Variants in DLGAP1 observed in about 807,000 individuals in gnomAD.
The protein encoded by DLGAP1 is disks large-associated protein 1.
In DLGAP1, 11 loss-of-function variants were observed where a neutral mutation model predicts 90.8. That is an observed-to-expected ratio of 0.12 (90% CI 0.08 to 0.20). DLGAP1 has a LOEUF of 0.20. Among genes scored for constraint, DLGAP1 ranks in the 10% least tolerant of loss-of-function variants. DLGAP1 has a pLI of 1.00. For missense variants in DLGAP1, 1,050 were observed against 1,333.8 expected, an observed-to-expected ratio of 0.79 and a Z score of 3.31; for synonymous variants, 558 against 540.7, an observed-to-expected ratio of 1.03 and a Z score of -0.44.
chr18:4,408,042 G>A (rs2082701510), intron 1 of DLGAP1, among the ~76,000 whole-genome samples: 3 of 152,102 alleles, frequency 2.0e-5, no homozygotes, highest in Admixed American at 1.3e-4. Flanking sequence ...ATACAAATCT[G>A]TAATCAAGTT....
rs2073808480 is a variant in DLGAP1, at chr18:3,984,775, A to G, written c.-73+20341T>C. Among the ~76,000 whole-genome samples, 3 of 151,332 alleles carry G rather than the reference A, an allele frequency of 2.0e-5. No homozygotes were observed. The South Asian group carries it at 6.3e-4, about 32-fold the overall frequency. The stretch of plus-strand genomic sequence containing the variant: ...TCCTACCTTGTTGCATGCATGTCTC[A>G]CCAGCCCAGGTTCATCTTTCCCCTG... On this transcript the variant is annotated intron_variant, in intron 3 of 12. Coordinates refer to ENST00000315677, the MANE Select transcript of DLGAP1 (RefSeq NM_004746.4).
At position 3,881,397 on chromosome 18, in the gene DLGAP1, T is replaced by C. The variant is rs574553107; in HGVS notation, c.-72-1257A>G. Among the ~76,000 whole-genome samples, 254 of 152,332 alleles carry C rather than the reference T, an allele frequency of 1.7e-3. 1 individual carries two copies. The highest frequency in any genetic ancestry group is 0.014 in the Middle Eastern group (4 of 294). ...CTCAGTTCCTCTAGGAAACCTCTGC[T>C]GGCTCTCCTAGCAGAGAGAATTAGT... On this transcript the variant is annotated intron_variant, in intron 3 of 12. Coordinates refer to ENST00000315677, the MANE Select transcript of DLGAP1 (RefSeq NM_004746.4).
At chr18:3,708,390 T>C in intron 7 of DLGAP1, 1 of 456,224 alleles carries the variant, frequency 2.2e-6, no homozygotes, top group Non-Finnish European at 4.4e-6. Context: ...ATTCACCAAG[T>C]TGAAGTTCAT....
At chr18:4,359,617 A>T (rs11872657) in intron 1 of DLGAP1, among the ~76,000 whole-genome samples, 5,249 of 152,288 alleles carry the variant, frequency 0.034, 151 homozygotes, top group African/African-American at 0.076. Flanking sequence ...TGTTATAAAG[A>T]CCTCAGCCAT....
At chr18:4,091,009 G>A (rs1199627079) in intron 2 of DLGAP1, among the ~76,000 whole-genome samples, 1 of 152,178 alleles carries the variant, frequency 6.6e-6, no homozygotes, top group Non-Finnish European at 1.5e-5. Flanking sequence ...AGCAAACACT[G>A]CGTGTTCTCA....
At chr18:3,909,236 T>A (rs1481683576) in intron 3 of DLGAP1, among the ~76,000 whole-genome samples, 1 of 152,226 alleles carries the variant, frequency 6.6e-6, no homozygotes, top group Non-Finnish European at 1.5e-5. Flanking sequence ...TAAGTGAGAC[T>A]TTCTACCATA....
rs148001156 is a variant in DLGAP1 at position 3,561,063 on chromosome 18, T to C, written c.2057+6427A>G. Among the ~76,000 whole-genome samples, 452 of 150,568 alleles carry C rather than the reference T, an allele frequency of 3.0e-3. 33 individuals carry two copies. Among genetic ancestry groups the C allele is most frequent in the African/African-American group, 9.6e-3 (387 of 40,178 alleles). ...ACATAAATAAATAAATGTACATGTA[T>C]TTAAATACATTTTTGCAATTGCTAT... On this transcript the variant is annotated intron_variant, in intron 9 of 12. Transcript: ENST00000315677.
At chr18:3,959,995 G>C (rs376918434) in intron 3 of DLGAP1, among the ~76,000 whole-genome samples, 5 of 152,040 alleles carry the variant, frequency 3.3e-5, no homozygotes, top group African/African-American at 1.2e-4. Flanking sequence ...ATAATACATT[G>C]GAAAGTGAGG....
At chr18:4,382,009 T>C (rs538455674) in intron 1 of DLGAP1, among the ~76,000 whole-genome samples, 26 of 152,214 alleles carry the variant, frequency 1.7e-4, no homozygotes, top group Admixed American at 1.4e-3. Context: ...CTCATGAGAC[T>C]TATTCACCAC....
At chr18:3,963,286 C>A (rs796330329) in intron 3 of DLGAP1, among the ~76,000 whole-genome samples, 21 of 152,270 alleles carry the variant, frequency 1.4e-4, no homozygotes, top group African/African-American at 4.8e-4. Flanking sequence ...CCCTCACCCC[C>A]CAGGGTTCTA....
In DLGAP1 at chr18:3,879,419, G is replaced by A; in HGVS notation, c.650C>T (p.Ala217Val). The change falls in exon 4 of 13, where the codon GCC becomes GTC. Residue 217 changes from alanine (A) to valine (V), a missense_variant. By Grantham distance (64) the Ala-to-Val change is moderately conservative. This residue lies in a region of DLGAP1 where 485 missense variants were observed against 454.1 expected (regional missense o/e 1.07). Coordinates refer to ENST00000315677, the MANE Select transcript of DLGAP1 (RefSeq NM_004746.4). This position sits in a 1 kb window ranked among gnomAD's most constrained non-coding sequence, Gnocchi z 6.6. Reference sequence around the variant, plus strand: ...GCCCATGGTCATCACGCCCGAGGGGGCGTGGTAGATGCACATGTCACCATC... The same window carrying A: ...GCCCATGGTCATCACGCCCGAGGGGACGTGGTAGATGCACATGTCACCATC... ...NLDGDMCIYH[A>V]PSGVMTMGRC... The A allele has an allele frequency of 6.2e-7, 1 of 1,610,750 alleles. No homozygotes were observed. Among genetic ancestry groups the A allele is most frequent in the Admixed American group, 1.7e-5 (1 of 60,028 alleles).
Position 3,526,904 on chromosome 18 carries a change from C to T in DLGAP1, c.2479+7290G>A, listed in dbSNP as rs1044620170. Among the ~76,000 whole-genome samples the T allele has an allele frequency of 3.3e-5, 5 of 151,970 alleles. No individual in the cohort carries two copies. The highest frequency in any genetic ancestry group is 4.2e-4 in the South Asian group (2 of 4,816). On this transcript the variant is annotated intron_variant, in intron 10 of 12. Coordinates refer to ENST00000315677, the MANE Select transcript of DLGAP1 (RefSeq NM_004746.4). This position sits in a 1 kb window ranked among gnomAD's most constrained non-coding sequence, Gnocchi z 4.7. ...TCGTATCATTTTACTTCAAGTGCTG[C>T]GGGAACAAGCATTCTGTCAGCTGTC...
rs372003807 is a variant in DLGAP1 at position 4,183,160 on chromosome 18, A to T, written c.-266-31873T>A. Among the ~76,000 whole-genome samples the T allele has an allele frequency of 1.6e-4, 24 of 152,284 alleles. No individual in the cohort carries two copies. The South Asian group carries it at 4.3e-3, about 28-fold the overall frequency. ...TTAAATCAAATTCTTGGCATTTTGA[A>T]TATGCAAGAAAATTAAATATACAAG... On this transcript the variant is annotated intron_variant, in intron 1 of 12. Transcript: ENST00000315677.
At chr18:3,844,486 G>A (rs112224993) in intron 4 of DLGAP1, among the ~76,000 whole-genome samples, 7 of 152,270 alleles carry the variant, frequency 4.6e-5, no homozygotes, top group African/African-American at 1.7e-4. Flanking sequence ...ATCCTAGTAA[G>A]TGCCTCATCA....
intron 1 of DLGAP1, among the ~76,000 whole-genome samples, chr18:4,441,759 T>A (rs954793540): frequency 1.3e-5 from 2 of 152,186 alleles, no homozygotes; most frequent in African/African-American, 2.4e-5. Context: ...GGAGGGTATA[T>A]CTTGCATGCT....
At chr18:4,045,407 G>A (rs909078200) in intron 2 of DLGAP1, among the ~76,000 whole-genome samples, 1 of 96,032 alleles carries the variant, frequency 1.0e-5, no homozygotes, top group Non-Finnish European at 2.0e-5. Flanking sequence ...CACAGCCTGT[G>A]TAACATAGAA....
intron 2 of DLGAP1, among the ~76,000 whole-genome samples, chr18:4,059,648 T>C (rs1162226801): frequency 6.6e-6 from 1 of 151,854 alleles, no homozygotes; most frequent in Non-Finnish European, 1.5e-5. Context: ...AAGGTGGAGG[T>C]TATGGTGAGC....
intron 3 of DLGAP1, among the ~76,000 whole-genome samples, chr18:3,925,356 T>A (rs1338403625): frequency 6.6e-6 from 1 of 151,716 alleles, no homozygotes; most frequent in Non-Finnish European, 1.5e-5. Context: ...GTATTTTGCA[T>A]TACCCTCTAC....
In DLGAP1 at chr18:3,984,688, T is replaced by C. The variant is rs529397214; in HGVS notation, c.-73+20428A>G. Among the ~76,000 whole-genome samples the C allele has an allele frequency of 2.6e-5, 4 of 152,304 alleles. No individual in the cohort carries two copies. In the East Asian group the frequency reaches 7.7e-4, roughly 29 times the overall value. On this transcript the variant is annotated intron_variant, in intron 3 of 12. Coordinates refer to ENST00000315677, the MANE Select transcript of DLGAP1 (RefSeq NM_004746.4). ...GGCATTTTCTCTGCCTCGACCTTGGTTGAGGCCTATTTATGTTAGGCCAGT... is the reference window on the plus strand; with the variant it reads ...GGCATTTTCTCTGCCTCGACCTTGGCTGAGGCCTATTTATGTTAGGCCAGT...
Sources: gnomAD v4.1 joint callset for allele counts (sites outside exome capture counted in the v4.1 genomes callset) on GRCh38, gnomAD v4.1.1 for gene constraint, gnomAD v4.1.1 regional missense constraint, Gnocchi (gnomAD v3.1) non-coding constraint, MANE v1.5 for transcripts, NCBI Gene and HGNC (gene_info 2026-07-23, HGNC 2026-07-21) for gene names.